TMEM108: variants seen among roughly 807,000 people sequenced by gnomAD.
TMEM108 encodes cancer/testis antigen 124.
A neutral mutation model predicts 35.1 loss-of-function variants in TMEM108; 12 were observed. The ratio of observed to expected loss-of-function variants is 0.34; its 90% CI spans 0.22 to 0.55. TMEM108 has a LOEUF of 0.55. Ranked by LOEUF, TMEM108 falls within the 20% of genes least tolerant of loss-of-function variation. The probability of loss-of-function intolerance (pLI) is 0.89; values close to 1 mark genes in which losing one functional copy is unlikely to be tolerated. For missense variants in TMEM108, 680 were observed against 753.3 expected, an observed-to-expected ratio of 0.90 and a Z score of 1.14; for synonymous variants, 287 against 308.6, an observed-to-expected ratio of 0.93 and a Z score of 0.73.
intron 2 of TMEM108, among the ~76,000 whole-genome samples, chr3:133,065,694 A>C (rs1462788176): frequency 6.6e-6 from 1 of 152,156 alleles, no homozygotes; most frequent in Non-Finnish European, 1.5e-5. Context: ...TCCATATGGC[A>C]TTCTAGTGGT....
At chr3:133,129,285 G>A (rs1196087438) in intron 2 of TMEM108, among the ~76,000 whole-genome samples, 1 of 151,620 alleles carries the variant, frequency 6.6e-6, no homozygotes, top group Non-Finnish European at 1.5e-5. Context: ...AGGGGCTGCA[G>A]TGAGCATCGA....
chr3:133,047,893 C>T (rs990821204), intron 2 of TMEM108, among the ~76,000 whole-genome samples: 3 of 152,132 alleles, frequency 2.0e-5, no homozygotes, highest in Non-Finnish European at 2.9e-5. Flanking sequence ...AAGCGATATT[C>T]GTCTTCCCAA....
In TMEM108 at chr3:133,381,180, C is replaced by T; in HGVS notation, c.1450+19C>T. 1 of 1,570,184 alleles carries T rather than the reference C, an allele frequency of 6.4e-7. No individual in the cohort carries two copies. Among genetic ancestry groups the T allele is most frequent in the Non-Finnish European group, 8.7e-7 (1 of 1,153,532 alleles). ...TCCTGCTGTAAGTGCCGCCCTCTCC[C>T]ACCCATCCTCTCCCTCTACCACATC... is the stretch of plus-strand genomic sequence containing the variant. On this transcript the variant is annotated intron_variant, in intron 4 of 5. Transcript: ENST00000321871.
chr3:133,108,816 A>G (rs1412623756), intron 2 of TMEM108, among the ~76,000 whole-genome samples: 3 of 135,690 alleles, frequency 2.2e-5, no homozygotes, highest in African/African-American at 5.5e-5. Flanking sequence ...GAAGGGGAAC[A>G]TCACACTCCG....
intron 3 of TMEM108, among the ~76,000 whole-genome samples, chr3:133,274,856 T>A (rs777443795): frequency 6.6e-6 from 1 of 152,158 alleles, no homozygotes; most frequent in Non-Finnish European, 1.5e-5. Flanking sequence ...CTGCTGGGTG[T>A]GAGTTTCTAC....
intron 3 of TMEM108, among the ~76,000 whole-genome samples, chr3:133,356,991 A>G (rs2072191976): frequency 6.6e-6 from 1 of 152,188 alleles, no homozygotes; most frequent in Non-Finnish European, 1.5e-5. Flanking sequence ...AAAAGCTTCT[A>G]CACAGTAAAA....
Position 133,168,434 on chromosome 3 carries a change from T to C in TMEM108, c.-46-60832T>C, listed in dbSNP as rs934220912. 2.6e-5 allele frequency among the ~76,000 whole-genome samples: 4 copies of C among 151,940 alleles called. No homozygotes were observed. In the South Asian group the frequency reaches 8.3e-4, roughly 32 times the overall value. ...GGGAGAGAGAGGGAGGCGAGGGGGA[T>C]TGAACACATCCTTTTCTTAGGAACC... On this transcript the variant is annotated intron_variant, in intron 2 of 5. Coordinates refer to ENST00000321871, the MANE Select transcript of TMEM108 (RefSeq NM_023943.4).
intron 3 of TMEM108, among the ~76,000 whole-genome samples, chr3:133,309,830 A>T (rs1338201188): frequency 1.3e-5 from 2 of 150,388 alleles, no homozygotes; most frequent in Non-Finnish European, 1.5e-5. Flanking sequence ...CCTCCCAAGT[A>T]GCTGGGACTA....
intron 2 of TMEM108, among the ~76,000 whole-genome samples, chr3:133,189,332 A>T (rs562093848): frequency 3.9e-5 from 6 of 152,192 alleles, no homozygotes; most frequent in Non-Finnish European, 8.8e-5. Flanking sequence ...TGAAGGGTAA[A>T]CATGTATAAA....
chr3:133,324,269 T>C (rs1335351382), intron 3 of TMEM108, among the ~76,000 whole-genome samples: 2 of 152,110 alleles, frequency 1.3e-5, no homozygotes, highest in African/African-American at 2.4e-5. Flanking sequence ...TCGCAAACTA[T>C]GCATCTGACA....
intron 2 of TMEM108, among the ~76,000 whole-genome samples, chr3:133,073,502 C>CTA (rs1394942157): frequency 2.2e-5 from 2 of 90,414 alleles, no homozygotes; most frequent in Admixed American, 1.2e-4. Context: ...CTCTCTCTCT[C>CTA]TCTCTCTCTA....
chr3:133,395,831 A>G, intron 5 of TMEM108, 33 bp from the exon 6 acceptor site: 2 of 1,513,708 alleles, frequency 1.3e-6, no homozygotes, highest in African/African-American at 1.4e-5. Flanking sequence ...AGCCTTCTCC[A>G]GCTCACTCCA....
At chr3:133,395,730 A>T in intron 5 of TMEM108, 134 bp from the exon 6 acceptor site, 1 of 875,552 alleles carries the variant, frequency 1.1e-6, no homozygotes, top group Non-Finnish European at 1.6e-6. Context: ...CCTCAGCATT[A>T]GCAGTAGGGA....
chr3:133,302,266 C>T (rs892040867), intron 3 of TMEM108, among the ~76,000 whole-genome samples: 4 of 152,128 alleles, frequency 2.6e-5, no homozygotes, highest in Non-Finnish European at 2.9e-5. Context: ...TGAGTGCATG[C>T]GTGCGCGTGC....
At chr3:133,347,141 TTATA>T (rs1282489496) in intron 3 of TMEM108, among the ~76,000 whole-genome samples, 1 of 152,134 alleles carries the variant, frequency 6.6e-6, no homozygotes, top group East Asian at 1.9e-4. Flanking sequence ...CATATAAACT[TTATA>T]ATCAGTTTGT....
intron 3 of TMEM108, among the ~76,000 whole-genome samples, chr3:133,276,882 G>A (rs16840161): frequency 0.14 from 21,633 of 152,170 alleles, 1,630 homozygotes; most frequent in South Asian, 0.22. Flanking sequence ...GGGGCTTTAT[G>A]TGTCCCAGAG....
chr3:133,158,465 T>TAAAAAA (rs11328701), intron 2 of TMEM108, among the ~76,000 whole-genome samples: 7 of 80,634 alleles, frequency 8.7e-5, no homozygotes, highest in African/African-American at 2.4e-4. Context: ...AGACTCTGTC[T>TAAAAAA]AAAAAAAAAA....
At chr3:133,353,354 T>C (rs1038910257) in intron 3 of TMEM108, among the ~76,000 whole-genome samples, 13 of 152,212 alleles carry the variant, frequency 8.5e-5, no homozygotes, top group Admixed American at 7.2e-4. Flanking sequence ...GAGCCTTCTT[T>C]GTAAGAATTC....
chr3:133,056,500 C>T (rs1943467688), intron 2 of TMEM108, among the ~76,000 whole-genome samples: 1 of 152,146 alleles, frequency 6.6e-6, no homozygotes, highest in Non-Finnish European at 1.5e-5. Flanking sequence ...GGGCATGGTA[C>T]TTAGGGAACT....
Sources: allele counts gnomAD v4.1 joint callset (sites outside exome capture counted in the v4.1 genomes callset), GRCh38; gene constraint gnomAD v4.1.1; transcripts MANE v1.5; gene names NCBI Gene and HGNC (gene_info 2026-07-23, HGNC 2026-07-21).